The following PSMG2 variants were observed in gnomAD, a reference collection of about 807,000 sequenced individuals.
PSMG2 encodes proteasome assembly chaperone 2, also known as CD40 ligand-activated specific transcript 3.
PSMG2 carries 21 observed loss-of-function variants against 31.5 expected under a neutral mutation model. That is an observed-to-expected ratio of 0.67 (90% confidence interval 0.47 to 0.96). PSMG2 has a LOEUF of 0.96. PSMG2 is among the 40% of genes least tolerant of loss of function. The pLI, the probability that PSMG2 is intolerant of heterozygous loss-of-function variation, is 0.00. For synonymous variants in PSMG2, 120 were observed against 110.4 expected, an observed-to-expected ratio of 1.09 and a Z score of -0.54; for missense variants, 318 against 321.2, an observed-to-expected ratio of 0.99 and a Z score of 0.08.
At chr18:12,712,604 A>C in intron 2 of PSMG2, 98 bp from the exon 3 acceptor site, 1 of 840,586 alleles carries the variant, frequency 1.2e-6, no homozygotes, top group Non-Finnish European at 1.9e-6. Context: ...AAACATTTAA[A>C]TGCAAAAGGT....
In PSMG2 at chr18:12,703,072, C is replaced by A; in HGVS notation, c.-36C>A. ...CTTGCTGCCCTCGTTCTTGCCAGGG[C>A]CGCGGTTAGTCCCTGCTGGCCACCC... is the stretch of plus-strand genomic sequence containing the variant. On this transcript the variant is annotated 5_prime_UTR_variant, in exon 1 of 7. Coordinates refer to ENST00000317615, the MANE Select transcript of PSMG2 (RefSeq NM_020232.5). 1 of 1,605,114 alleles carries A rather than the reference C, an allele frequency of 6.2e-7. No homozygotes were observed. The highest frequency in any genetic ancestry group is 2.3e-5 in the East Asian group (1 of 44,408).
intron 1 of PSMG2, chr18:12,686,470 C>T: frequency 6.4e-7 from 1 of 1,552,322 alleles, no homozygotes; most frequent in Non-Finnish European, 8.8e-7. Context: ...AGGGGAAAAA[C>T]ATCTGTAATG....
chr18:12,659,828 G>A (rs1210936213), intron 1 of PSMG2, among the ~76,000 whole-genome samples: 1 of 152,042 alleles, frequency 6.6e-6, no homozygotes, highest in Non-Finnish European at 1.5e-5. Flanking sequence ...GTGTGCCAAA[G>A]CCCAGAGAGG....
At chr18:12,687,171 T>G (rs2039567848) in intron 1 of PSMG2, among the ~76,000 whole-genome samples, 1 of 152,084 alleles carries the variant, frequency 6.6e-6, no homozygotes, top group East Asian at 1.9e-4. Context: ...CCACTTACTA[T>G]TCAAGATTTG....
intron 1 of PSMG2, among the ~76,000 whole-genome samples, chr18:12,660,184 G>C (rs1294960108): frequency 2.0e-5 from 3 of 152,046 alleles, no homozygotes; most frequent in Non-Finnish European, 4.4e-5. Context: ...TGCTAACCCT[G>C]GCATAGAGCA....
intron 1 of PSMG2, chr18:12,662,004 CTT>C (rs1204768339): frequency 4.0e-6 from 1 of 249,066 alleles, no homozygotes. Context: ...GAATCCTTGA[CTT>C]TTTTTATATT....
chr18:12,672,176 G>A (rs141330071), intron 1 of PSMG2, among the ~76,000 whole-genome samples: 41 of 140,028 alleles, frequency 2.9e-4, no homozygotes, highest in African/African-American at 1.1e-3. Flanking sequence ...GTGCAGTGGC[G>A]CGATCTCACC....
At chr18:12,702,451 G>A, upstream of PSMG2, 1 of 1,526,662 alleles carries the variant, frequency 6.6e-7, no homozygotes, top group Non-Finnish European at 9.0e-7. Flanking sequence ...TTATGGGTCG[G>A]CCCGGCGGTC....
At position 12,687,467 on chromosome 18, in the gene PSMG2, T is replaced by C. The variant is rs1264555038; in HGVS notation, c.-36-19083T>C. 3.3e-5 allele frequency among the ~76,000 whole-genome samples: 5 copies of C among 151,658 alleles called. No homozygotes were observed. The East Asian group carries it at 9.7e-4, about 29-fold the overall frequency. ...TAGAAGGCATCAATTTTTTTTTTTT[T>C]TTTTTTGAGACAGAGTCTCGCTGTT... On this transcript the variant is annotated intron_variant, in intron 1 of 6. Transcript: ENST00000585331.
chr18:12,702,099 C>G (rs1300328664), upstream of PSMG2, among the ~76,000 whole-genome samples: 1 of 152,206 alleles, frequency 6.6e-6, no homozygotes, highest in East Asian at 1.9e-4. Flanking sequence ...GCACTCCAGC[C>G]TGGGCAACAG....
intron 1 of PSMG2, among the ~76,000 whole-genome samples, chr18:12,665,657 A>C (rs1598604014): frequency 6.6e-6 from 1 of 152,300 alleles, no homozygotes; most frequent in East Asian, 1.9e-4. Flanking sequence ...AGCTTAACCT[A>C]AATTTATAAG....
chr18:12,707,228 G>T (rs1448735728), intron 2 of PSMG2, among the ~76,000 whole-genome samples: 1 of 152,158 alleles, frequency 6.6e-6, no homozygotes, highest in African/African-American at 2.4e-5. Context: ...AAAGTGCTGG[G>T]ATTACAGGTG....
upstream of PSMG2, chr18:12,700,073 A>G: frequency 2.3e-6 from 1 of 432,176 alleles, no homozygotes; most frequent in East Asian, 3.6e-5. Flanking sequence ...AAAAGCCTGC[A>G]TAAAAGATGA....
At chr18:12,704,699 A>G (rs1194166399) in intron 1 of PSMG2, among the ~76,000 whole-genome samples, 1 of 152,214 alleles carries the variant, frequency 6.6e-6, no homozygotes, top group African/African-American at 2.4e-5. Flanking sequence ...TTAGAGGGCT[A>G]TGTGGGGTCA....
intron 1 of PSMG2, among the ~76,000 whole-genome samples, chr18:12,678,831 C>T (rs1174994802): frequency 6.6e-6 from 1 of 152,072 alleles, no homozygotes; most frequent in African/African-American, 2.4e-5. Flanking sequence ...GAGCACGTGC[C>T]TGTAGTCCCA....
At chr18:12,673,277 A>G in intron 1 of PSMG2, 1 of 1,486,614 alleles carries the variant, frequency 6.7e-7, no homozygotes. Context: ...TTGTGATTTT[A>G]AAATAACAAA....
At chr18:12,674,488 C>G (rs1366657977) in intron 1 of PSMG2, 2 of 1,367,042 alleles carry the variant, frequency 1.5e-6, no homozygotes, top group Non-Finnish European at 2.1e-6. Flanking sequence ...CCGGACTGAT[C>G]TGTAAGACTC....
rs186662572 is a variant in PSMG2 at position 12,720,754 on chromosome 18, C to T, written c.581+71C>T. ...TGAAATTAATGCAGTGAGCTGAGAT[C>T]GTGCCACTGCACTCTAGCCTGGGTG... is the stretch of plus-strand genomic sequence containing the variant. On this transcript the variant is annotated intron_variant, in intron 5 of 6. Coordinates refer to ENST00000317615, the MANE Select transcript of PSMG2 (RefSeq NM_020232.5). 10 of 1,449,892 alleles carry T rather than the reference C, an allele frequency of 6.9e-6. 1 individual carries two copies. In the Admixed American group the frequency reaches 8.6e-5, roughly 12 times the overall value. 89.8% of individuals were successfully genotyped at this position (1,449,892 alleles called of 1,614,324 possible). A position where few individuals can be genotyped will look rare whatever the true frequency, so the allele number is the denominator to read the frequency against.
intron 1 of PSMG2, among the ~76,000 whole-genome samples, chr18:12,695,887 A>G (rs1053481997): frequency 1.5e-5 from 2 of 132,724 alleles, no homozygotes; most frequent in Non-Finnish European, 3.3e-5. Flanking sequence ...CACACACACT[A>G]AAAATTAGAA....
Sources: gnomAD v4.1 joint callset for allele counts (sites outside exome capture counted in the v4.1 genomes callset) on GRCh38, gnomAD v4.1.1 for gene constraint, MANE v1.5 for transcripts, NCBI Gene and HGNC (gene_info 2026-07-23, HGNC 2026-07-21) for gene names.